The following SYT16 variants were observed in gnomAD, a reference collection of about 807,000 sequenced individuals.
SYT16 encodes the protein synaptotagmin 16, also known as synaptotagmin-16.
SYT16 carries 42 observed loss-of-function variants against 61.4 expected under a neutral mutation model. The ratio of observed to expected loss-of-function variants is 0.68; its 90% CI spans 0.53 to 0.89. SYT16 has a LOEUF of 0.89. Ranked by LOEUF, SYT16 falls within the 40% of genes least tolerant of loss-of-function variation. The pLI is 0.00. For synonymous variants in SYT16, 314 were observed against 302.3 expected, an observed-to-expected ratio of 1.04 and a Z score of -0.40; for missense variants, 804 against 807.3, an observed-to-expected ratio of 1.00 and a Z score of 0.05.
intron 1 of SYT16, among the ~76,000 whole-genome samples, chr14:61,903,212 T>C (rs904516920): frequency 1.3e-5 from 2 of 152,160 alleles, no homozygotes; most frequent in Admixed American, 6.5e-5. Flanking sequence ...ATGACCCTGT[T>C]TCCAAATAAG....
intron 3 of SYT16, among the ~76,000 whole-genome samples, chr14:62,003,282 A>G (rs1341256900): frequency 6.6e-6 from 1 of 151,610 alleles, no homozygotes; most frequent in Non-Finnish European, 1.5e-5. Context: ...CCTGCTCTCC[A>G]CCCGTCTTTC....
chr14:61,960,520 G>T (rs1454808670), intron 1 of SYT16, among the ~76,000 whole-genome samples: 1 of 152,090 alleles, frequency 6.6e-6, no homozygotes, highest in East Asian at 1.9e-4. Flanking sequence ...CTTGTGTATA[G>T]GGATGCCAGT....
chr14:61,976,585 G>T (rs543334413), intron 2 of SYT16, among the ~76,000 whole-genome samples: 6 of 152,272 alleles, frequency 3.9e-5, no homozygotes, highest in Admixed American at 2.6e-4. Context: ...AAGACTTGGG[G>T]CTTGTACTCT....
chr14:61,965,201 T>C (rs1337994855), intron 1 of SYT16, among the ~76,000 whole-genome samples: 5 of 152,128 alleles, frequency 3.3e-5, no homozygotes, highest in Non-Finnish European at 7.4e-5. Flanking sequence ...AGGGCCCTTT[T>C]TGTGCAACCC....
chr14:61,874,537 T>C (rs1016524191), intron 1 of SYT16, among the ~76,000 whole-genome samples: 2 of 152,226 alleles, frequency 1.3e-5, no homozygotes, highest in Non-Finnish European at 2.9e-5. Flanking sequence ...AGAGAATATT[T>C]CTTTCTTGTG....
intron 2 of SYT16, among the ~76,000 whole-genome samples, chr14:61,979,496 C>T (rs1168876094): frequency 6.6e-6 from 1 of 152,160 alleles, no homozygotes; most frequent in African/African-American, 2.4e-5. Flanking sequence ...TCCTTTTAGG[C>T]ATGGCCTACT....
At chr14:62,066,828 G>A (rs548690573) in intron 3 of SYT16, among the ~76,000 whole-genome samples, 1 of 152,314 alleles carries the variant, frequency 6.6e-6, no homozygotes, top group South Asian at 2.1e-4. Flanking sequence ...TGTGCTCCTC[G>A]CCCTCATGGT....
At chr14:62,003,785 T>C (rs1454164072) in intron 3 of SYT16, among the ~76,000 whole-genome samples, 3 of 152,126 alleles carry the variant, frequency 2.0e-5, no homozygotes, top group Non-Finnish European at 4.4e-5. Flanking sequence ...GTGTAAGATA[T>C]ATGTAACCAA....
At chr14:61,859,375 G>T (rs2046895574) in intron 1 of SYT16, among the ~76,000 whole-genome samples, 1 of 152,012 alleles carries the variant, frequency 6.6e-6, no homozygotes, top group African/African-American at 2.4e-5. Context: ...TTAGGGTGGG[G>T]TGACCGGATT....
At chr14:62,096,070 T>C (rs2057264453) in intron 7 of SYT16, among the ~76,000 whole-genome samples, 1 of 151,978 alleles carries the variant, frequency 6.6e-6, no homozygotes, top group South Asian at 2.1e-4. Context: ...TCACACCACA[T>C]GCAAAGCTCA....
intron 1 of SYT16, among the ~76,000 whole-genome samples, chr14:61,923,040 C>T (rs1343334186): frequency 7.2e-6 from 1 of 138,554 alleles, no homozygotes; most frequent in African/African-American, 2.6e-5. Flanking sequence ...CAGGGCAAGA[C>T]TCTGTCTCAA....
In SYT16 at chr14:61,970,126, C is replaced by T. The variant is rs2051485787; in HGVS notation, c.-324-6C>T. 1 of 152,202 alleles carries T rather than the reference C, an allele frequency of 6.6e-6. No homozygotes were observed. The highest frequency in any genetic ancestry group is 1.5e-5 in the Non-Finnish European group (1 of 68,038). 9.4% of individuals were successfully genotyped at this position (152,202 alleles called of 1,614,324 possible). A position where few individuals can be genotyped will look rare whatever the true frequency, so the allele number is the denominator to read the frequency against. ...TGATATTTTTTTCTTTGTGTTCTCTCACCAGTCACTCCTGAAGCCATTGGC... is the reference window on the plus strand; with the variant it reads ...TGATATTTTTTTCTTTGTGTTCTCTTACCAGTCACTCCTGAAGCCATTGGC... On this transcript the variant is annotated splice_polypyrimidine_tract_variant and splice_region_variant and intron_variant, in intron 1 of 7. Coordinates refer to ENST00000683842, the MANE Select transcript of SYT16 (RefSeq NM_001367656.1).
chr14:62,071,417 A>G (rs2056295527), intron 4 of SYT16, among the ~76,000 whole-genome samples: 1 of 152,298 alleles, frequency 6.6e-6, no homozygotes, highest in African/African-American at 2.4e-5. Flanking sequence ...ACGAGCAACA[A>G]ATTATCTCTT....
Position 62,101,672 on chromosome 14 carries a change from C to T in SYT16, c.*965C>T, listed in dbSNP as rs1229634723. 6.6e-6 allele frequency: 1 copy of T among 152,194 alleles called. No individual in the cohort carries two copies. Among genetic ancestry groups the T allele is most frequent in the Non-Finnish European group, 1.5e-5 (1 of 68,036 alleles). The allele number at this position is 152,194 out of a possible 1,614,324, so 9.4% of individuals were successfully genotyped here. On this transcript the variant is annotated 3_prime_UTR_variant, in exon 8 of 8. Coordinates refer to ENST00000683842, the MANE Select transcript of SYT16 (RefSeq NM_001367656.1). ...TCACTAGAGCATAGTAAATTGTACACAGTGAGTCCTTAATAAATATTGATT... is the reference window on the plus strand; with the variant it reads ...TCACTAGAGCATAGTAAATTGTACATAGTGAGTCCTTAATAAATATTGATT...
intron 4 of SYT16, among the ~76,000 whole-genome samples, chr14:62,071,764 G>C (rs1385964218): frequency 4.6e-5 from 7 of 152,128 alleles, no homozygotes; most frequent in Non-Finnish European, 7.4e-5. Flanking sequence ...TGTTTTGTAA[G>C]ATCAAATTTA....
At chr14:61,869,426 G>A (rs2047260182) in intron 1 of SYT16, among the ~76,000 whole-genome samples, 1 of 151,624 alleles carries the variant, frequency 6.6e-6, no homozygotes, top group East Asian at 1.9e-4. Context: ...CTTTTTTGTT[G>A]TTTAATGGTT....
chr14:61,936,556 A>T (rs572790208), intron 1 of SYT16, among the ~76,000 whole-genome samples: 1 of 152,306 alleles, frequency 6.6e-6, no homozygotes, highest in African/African-American at 2.4e-5. Flanking sequence ...AGGTCCTGCC[A>T]TAATTGTCCC....
intron 1 of SYT16, among the ~76,000 whole-genome samples, chr14:61,919,129 G>A (rs1169161500): frequency 6.6e-6 from 1 of 152,122 alleles, no homozygotes; most frequent in African/African-American, 2.4e-5. Flanking sequence ...TGCAATACAT[G>A]TGTTCCATTA....
At chr14:61,935,424 T>C (rs56070422) in intron 1 of SYT16, among the ~76,000 whole-genome samples, 208 of 152,334 alleles carry the variant, frequency 1.4e-3, no homozygotes, top group African/African-American at 4.8e-3. Context: ...GCCAGAGTCA[T>C]TCTGCTGCCT....
Sources: gnomAD v4.1 joint callset for allele counts (sites outside exome capture counted in the v4.1 genomes callset) on GRCh38, gnomAD v4.1.1 for gene constraint, MANE v1.5 for transcripts, NCBI Gene and HGNC (gene_info 2026-07-23, HGNC 2026-07-21) for gene names.